Variants in CPNE8 observed in about 807,000 individuals in gnomAD.
The protein encoded by CPNE8 is copine 8, also known as copine-8.
In CPNE8, 45 loss-of-function variants were observed where a neutral mutation model predicts 81.5. The observed-to-expected ratio is 0.55, with a 90% CI of 0.44 to 0.71. The LOEUF is 0.71. Among genes scored for constraint, CPNE8 ranks in the 30% least tolerant of loss-of-function variants. CPNE8 has a pLI of 0.00. For synonymous variants in CPNE8, 252 were observed against 226.3 expected (o/e 1.11, Z -1.02); for missense variants, 594 against 672.1 (o/e 0.88, Z 1.28).
intron 6 of CPNE8, among the ~76,000 whole-genome samples, chr12:38,810,662 C>T (rs575210220): frequency 8.5e-5 from 13 of 152,118 alleles, no homozygotes; most frequent in Non-Finnish European, 1.6e-4. Context: ...TGGGCTAAAA[C>T]AATATCCATT....
chr12:38,875,438 C>A (rs940593622), intron 1 of CPNE8, among the ~76,000 whole-genome samples: 1 of 152,070 alleles, frequency 6.6e-6, no homozygotes, highest in African/African-American at 2.4e-5. Flanking sequence ...GTTTAATAAT[C>A]ATCTTCCATT....
At chr12:38,740,283 T>C (rs1941063587) in intron 10 of CPNE8, among the ~76,000 whole-genome samples, 1 of 152,194 alleles carries the variant, frequency 6.6e-6, no homozygotes, top group Non-Finnish European at 1.5e-5. Context: ...GCTTATCAGC[T>C]TAAGGAGATT....
At chr12:38,664,197 A>G (rs1036045771) in intron 19 of CPNE8, among the ~76,000 whole-genome samples, 2 of 152,160 alleles carry the variant, frequency 1.3e-5, no homozygotes, top group Non-Finnish European at 2.9e-5. Flanking sequence ...GAAAAATTAT[A>G]CATTGCATAC....
chr12:38,906,406 C>G (rs1204953227), upstream of CPNE8: 13 of 985,390 alleles, frequency 1.3e-5, no homozygotes, highest in Non-Finnish European at 1.4e-5. Flanking sequence ...TCTGTCTCCC[C>G]TTGGTTCTTC....
intron 7 of CPNE8, among the ~76,000 whole-genome samples, chr12:38,773,471 T>C (rs543833011): frequency 1.9e-3 from 289 of 152,174 alleles, no homozygotes; most frequent in Non-Finnish European, 3.5e-3. Context: ...GTTATTTGTA[T>C]GCCAATTATA....
At chr12:38,816,481 G>A (rs938333077) in intron 6 of CPNE8, among the ~76,000 whole-genome samples, 17 of 152,212 alleles carry the variant, frequency 1.1e-4, no homozygotes, top group Non-Finnish European at 2.2e-4. Context: ...ATAGTATACA[G>A]GAGAATTAAT....
intron 1 of CPNE8, among the ~76,000 whole-genome samples, chr12:38,879,537 A>G (rs1944119922): frequency 1.3e-5 from 2 of 152,174 alleles, no homozygotes; most frequent in South Asian, 4.1e-4. Flanking sequence ...AATTCTTCAT[A>G]TGTATAATGA....
chr12:38,780,995 A>G (rs988853335), intron 6 of CPNE8, among the ~76,000 whole-genome samples: 1 of 152,004 alleles, frequency 6.6e-6, no homozygotes, highest in African/African-American at 2.4e-5. Flanking sequence ...TAACAAATAC[A>G]AATGAATATG....
At chr12:38,689,054 C>A (rs1231367682) in intron 15 of CPNE8, among the ~76,000 whole-genome samples, 1 of 152,046 alleles carries the variant, frequency 6.6e-6, no homozygotes, top group Non-Finnish European at 1.5e-5. Flanking sequence ...AGAATAAGTC[C>A]AGTTGTGGTT....
chr12:38,838,490 C>A (rs116864371), intron 5 of CPNE8, among the ~76,000 whole-genome samples: 2,102 of 152,282 alleles, frequency 0.014, 16 homozygotes, highest in Non-Finnish European at 0.021. Context: ...GAATACATTT[C>A]TTTCCTTACA....
intron 7 of CPNE8, among the ~76,000 whole-genome samples, chr12:38,768,081 T>C (rs957059679): frequency 6.6e-6 from 1 of 151,824 alleles, no homozygotes; most frequent in African/African-American, 2.4e-5. Flanking sequence ...TTTTAGAACA[T>C]AGTTAAAAAA....
intron 10 of CPNE8, among the ~76,000 whole-genome samples, chr12:38,738,304 T>C (rs1046378003): frequency 6.6e-6 from 1 of 152,166 alleles, no homozygotes; most frequent in African/African-American, 2.4e-5. Flanking sequence ...TTTAATAGTC[T>C]TACAAACCCC....
chr12:38,709,674 C>G (rs1414958405), intron 13 of CPNE8, among the ~76,000 whole-genome samples: 2 of 152,100 alleles, frequency 1.3e-5, no homozygotes, highest in African/African-American at 4.8e-5. Flanking sequence ...TCTTTGAATA[C>G]TGGATTGTAT....
At chr12:38,897,546 A>G (rs1944405195) in intron 1 of CPNE8, among the ~76,000 whole-genome samples, 1 of 151,784 alleles carries the variant, frequency 6.6e-6, no homozygotes, top group African/African-American at 2.4e-5. Context: ...ACTAATAACA[A>G]CAACATATTC....
At chr12:38,835,026 G>A (rs796953567) in intron 5 of CPNE8, among the ~76,000 whole-genome samples, 12 of 152,000 alleles carry the variant, frequency 7.9e-5, no homozygotes, top group African/African-American at 2.7e-4. Flanking sequence ...AGCTGGGATT[G>A]CAGGCATGTG....
chr12:38,703,602 G>A (rs894612076), intron 13 of CPNE8, among the ~76,000 whole-genome samples: 16 of 152,078 alleles, frequency 1.1e-4, no homozygotes, highest in Admixed American at 6.6e-5. Flanking sequence ...GGAAGAGCTG[G>A]CCAATCAGGC....
At chr12:38,686,546 T>C (rs1939538696) in intron 15 of CPNE8, among the ~76,000 whole-genome samples, 1 of 152,234 alleles carries the variant, frequency 6.6e-6, no homozygotes, top group African/African-American at 2.4e-5. Flanking sequence ...CCCAAAGTTA[T>C]ACCCTCTGTA....
chr12:38,855,224 T>A (rs1045975526), intron 3 of CPNE8, among the ~76,000 whole-genome samples: 2 of 151,502 alleles, frequency 1.3e-5, no homozygotes, highest in African/African-American at 4.8e-5. Context: ...AAAACACTGA[T>A]GAAAGAAATA....
chr12:38,685,391 G>T, intron 16 of CPNE8, 99 bp downstream of exon 16: 2 of 1,336,810 alleles, frequency 1.5e-6, no homozygotes, highest in South Asian at 3.1e-5. Flanking sequence ...TAAACTAGAA[G>T]AAAACAACTT....
Sources: allele counts gnomAD v4.1 joint callset (sites outside exome capture counted in the v4.1 genomes callset), GRCh38; gene constraint gnomAD v4.1.1; transcripts MANE v1.5; gene names NCBI Gene and HGNC (gene_info 2026-07-23, HGNC 2026-07-21).